PARD3: variants seen among roughly 807,000 people sequenced by gnomAD.
PARD3 encodes the protein partitioning defective 3 homolog.
PARD3 carries 75 observed loss-of-function variants against 155.4 expected under a neutral mutation model. The ratio of observed to expected loss-of-function variants is 0.48; its 90% CI spans 0.40 to 0.58. The LOEUF is 0.58. Among genes scored for constraint, PARD3 ranks in the 20% least tolerant of loss-of-function variants. PARD3 has a pLI of 0.00. For synonymous variants in PARD3, 576 were observed against 610.5 expected (o/e 0.94, Z 0.83); for missense variants, 1,642 against 1,721.7 (o/e 0.95, Z 0.82).
intron 14 of PARD3, among the ~76,000 whole-genome samples, chr10:34,355,794 G>A (rs529698096): frequency 1.6e-4 from 25 of 151,666 alleles, no homozygotes; most frequent in Non-Finnish European, 3.1e-4. Flanking sequence ...TGGGCATGGC[G>A]CACACCTGTA....
intron 1 of PARD3, among the ~76,000 whole-genome samples, chr10:34,752,161 C>A (rs1209211593): frequency 6.6e-6 from 1 of 151,412 alleles, no homozygotes; most frequent in East Asian, 1.9e-4. Context: ...TGAGAAAAAC[C>A]CAGCTTCTAA....
intron 5 of PARD3, among the ~76,000 whole-genome samples, chr10:34,449,053 G>T (rs2076914092): frequency 6.7e-6 from 1 of 149,150 alleles, no homozygotes; most frequent in South Asian, 2.1e-4. Flanking sequence ...CCAGTAGCTG[G>T]AACTACAGGT....
intron 2 of PARD3, among the ~76,000 whole-genome samples, chr10:34,607,759 T>C (rs1435019756): frequency 6.6e-6 from 1 of 152,180 alleles, no homozygotes; most frequent in East Asian, 1.9e-4. Context: ...TGTTTAGGGC[T>C]AAGTCAACTC....
chr10:34,457,959 TA>T (rs2077424697), intron 4 of PARD3, among the ~76,000 whole-genome samples: 1 of 152,134 alleles, frequency 6.6e-6, no homozygotes, highest in Non-Finnish European at 1.5e-5. Flanking sequence ...CATGGAACCA[TA>T]GTTTAGGTGG....
At chr10:34,650,398 T>A (rs970285397) in intron 2 of PARD3, among the ~76,000 whole-genome samples, 5 of 152,220 alleles carry the variant, frequency 3.3e-5, no homozygotes, top group African/African-American at 1.2e-4. Context: ...CTGACTGAAA[T>A]GCTTTTATGC....
intron 1 of PARD3, among the ~76,000 whole-genome samples, chr10:34,718,900 T>C (rs1027870191): frequency 2.0e-5 from 3 of 152,028 alleles, no homozygotes; most frequent in African/African-American, 4.8e-5. Flanking sequence ...AAGGAGCAGG[T>C]TGCAGTGAGC....
At chr10:34,263,167 G>T (rs949209670) in intron 22 of PARD3, among the ~76,000 whole-genome samples, 3 of 152,202 alleles carry the variant, frequency 2.0e-5, no homozygotes, top group African/African-American at 7.2e-5. Flanking sequence ...GTTTTCCTGA[G>T]AGTAAAAGCC....
chr10:34,135,051 A>AT (rs1350845065), intron 22 of PARD3, among the ~76,000 whole-genome samples: 4 of 152,168 alleles, frequency 2.6e-5, no homozygotes, highest in African/African-American at 9.7e-5. Context: ...GTTGGTCATG[A>AT]TTTTTTTGTG....
intron 1 of PARD3, among the ~76,000 whole-genome samples, chr10:34,700,861 C>T (rs2094261508): frequency 6.6e-6 from 1 of 152,006 alleles, no homozygotes; most frequent in African/African-American, 2.4e-5. Context: ...AGTCCCAGCT[C>T]CTCTTTCTCC....
intron 22 of PARD3, among the ~76,000 whole-genome samples, chr10:34,222,356 G>T (rs535528265): frequency 2.0e-5 from 3 of 152,228 alleles, no homozygotes; most frequent in Non-Finnish European, 4.4e-5. Context: ...ACTAAGGCCT[G>T]CCCAGGAAGG....
chr10:34,719,009 G>A (rs2094564433), intron 1 of PARD3, among the ~76,000 whole-genome samples: 1 of 152,014 alleles, frequency 6.6e-6, no homozygotes, highest in South Asian at 2.1e-4. Flanking sequence ...TGGTGTATTG[G>A]AACAACCAGG....
chr10:34,581,478 C>A (rs2087480850), intron 2 of PARD3, among the ~76,000 whole-genome samples: 3 of 152,076 alleles, frequency 2.0e-5, no homozygotes, highest in Admixed American at 2.0e-4. Context: ...TCGTGATCTA[C>A]CCACCTCGGC....
At chr10:34,279,174 T>C (rs1026714029) in intron 21 of PARD3, among the ~76,000 whole-genome samples, 1 of 126,190 alleles carries the variant, frequency 7.9e-6, no homozygotes, top group Middle Eastern at 4.5e-3. Flanking sequence ...AGAGACAAGC[T>C]CTCACTCTGT....
chr10:34,745,474 G>A (rs1311434079), intron 1 of PARD3, among the ~76,000 whole-genome samples: 2 of 152,044 alleles, frequency 1.3e-5, no homozygotes. Flanking sequence ...GGGAAAGAGA[G>A]AGAGAGAAGA....
intron 1 of PARD3, among the ~76,000 whole-genome samples, chr10:34,785,555 G>A (rs138584431): frequency 2.0e-5 from 3 of 152,216 alleles, no homozygotes; most frequent in Non-Finnish European, 2.9e-5. Context: ...AGACCAGCCT[G>A]GGTAACACGG....
chr10:34,215,024 T>C (rs536048427), intron 22 of PARD3, among the ~76,000 whole-genome samples: 41 of 152,342 alleles, frequency 2.7e-4, no homozygotes, highest in South Asian at 8.3e-4. Flanking sequence ...CTCTCACCTA[T>C]TGGCATTCCG....
In PARD3 at chr10:34,426,923, CT is replaced by C. The variant is rs2075639304; in HGVS notation, c.714+23393del. 6.6e-5 allele frequency among the ~76,000 whole-genome samples: 10 copies of C among 152,298 alleles called. No homozygotes were observed. The South Asian group carries it at 1.9e-3, about 28-fold the overall frequency. On this transcript the variant is annotated intron_variant, in intron 5 of 24. Transcript: ENST00000374788. The stretch of plus-strand genomic sequence containing the variant: ...TACTTTTATAATTTCTTACACCTGT[CT>C]TTACTGCAATCTCCGAACATAAATT...
At position 34,399,407 on chromosome 10, in the gene PARD3, C is replaced by A; in HGVS notation, c.813G>T (p.Met271Ile). The change falls in exon 7 of 25, where the codon ATG (methionine) becomes ATT (isoleucine). Residue 271 changes from methionine (M) to isoleucine (I), a missense_variant. By Grantham distance (10) the Met-to-Ile change is conservative. This residue lies in a region of PARD3 where 1,529 missense variants were observed against 1,587.3 expected (regional missense o/e 0.96). Coordinates refer to ENST00000374788, the MANE Select transcript of PARD3 (RefSeq NM_001184785.2). ...EHIPNFSLDD[M>I]VKLVEVPNDG... Reference sequence around the variant, plus strand: ...CGTTGGGGACTTCTACGAGCTTTACCATATCACTGTGAGACAATGATGAAT... The same window carrying A: ...CGTTGGGGACTTCTACGAGCTTTACAATATCACTGTGAGACAATGATGAAT... The A allele has an allele frequency of 6.2e-7, 1 of 1,605,606 alleles. No individual in the cohort carries two copies. The highest frequency in any genetic ancestry group is 2.2e-5 in the East Asian group (1 of 44,810).
At chr10:34,168,291 A>T (rs755405795) in intron 22 of PARD3, among the ~76,000 whole-genome samples, 2 of 152,236 alleles carry the variant, frequency 1.3e-5, no homozygotes, top group African/African-American at 2.4e-5. Flanking sequence ...ATGAAAGCCT[A>T]GTAGATCACT....
Sources: allele counts gnomAD v4.1 joint callset (sites outside exome capture counted in the v4.1 genomes callset), GRCh38; gene constraint gnomAD v4.1.1; regional missense constraint gnomAD v4.1.1; transcripts MANE v1.5; gene names NCBI Gene and HGNC (gene_info 2026-07-23, HGNC 2026-07-21).